Variants in SLC25A26 observed in about 807,000 individuals in gnomAD.
SLC25A26 encodes the protein solute carrier family 25 member 26.
Under a neutral mutation model 37.8 loss-of-function variants are expected in SLC25A26, and 36 were observed. That is an observed-to-expected ratio of 0.95 (90% confidence interval 0.73 to 1.26). SLC25A26 has a LOEUF of 1.26. Among genes scored for constraint, SLC25A26 ranks in the 50% most tolerant of loss-of-function variants. The pLI is 0.00. For missense variants in SLC25A26, 390 were observed against 331.1 expected (o/e 1.18, Z -1.38); for synonymous variants, 129 against 122.5 (o/e 1.05, Z -0.35).
chr3:66,209,568 T>G (rs1212237672), intron 1 of SLC25A26, among the ~76,000 whole-genome samples: 1 of 142,232 alleles, frequency 7.0e-6, no homozygotes, highest in African/African-American at 2.5e-5. Flanking sequence ...ACCTTTTATA[T>G]ACGTATAAAA....
chr3:66,204,339 T>A (rs1300770010), intron 1 of SLC25A26, among the ~76,000 whole-genome samples: 2 of 140,688 alleles, frequency 1.4e-5, no homozygotes, highest in African/African-American at 5.3e-5. Context: ...GGCAGGAGAA[T>A]GGAGTGAACC....
chr3:66,290,488 C>T (rs527675455), intron 5 of SLC25A26, among the ~76,000 whole-genome samples: 1 of 152,244 alleles, frequency 6.6e-6, no homozygotes, highest in African/African-American at 2.4e-5. Context: ...AGATACGTCC[C>T]ATCAATGCCT....
chr3:66,168,386 G>T (rs2070454669), intron 1 of SLC25A26, among the ~76,000 whole-genome samples: 1 of 152,094 alleles, frequency 6.6e-6, no homozygotes, highest in Admixed American at 6.5e-5. Context: ...GCACTAAGAT[G>T]AATCCATTAT....
At chr3:66,278,518 A>G (rs2074231514) in intron 5 of SLC25A26, among the ~76,000 whole-genome samples, 1 of 151,968 alleles carries the variant, frequency 6.6e-6, no homozygotes, top group African/African-American at 2.4e-5. Context: ...TATTATTTAA[A>G]TGTCTGTTTT....
Position 66,325,135 on chromosome 3 carries a change from TAGTACA to T in SLC25A26, c.454-21226_454-21221del, listed in dbSNP as rs1416893510. Among the ~76,000 whole-genome samples the T allele has an allele frequency of 2.0e-5, 3 of 152,218 alleles. No homozygotes were observed. The East Asian group carries it at 5.8e-4, about 29-fold the overall frequency. On this transcript the variant is annotated intron_variant, in intron 5 of 9. Transcript: ENST00000354883. ...GTCTCCTTCAATGTTTCCACAATTC[TAGTACA>T]AGCATTTCCCTCAGAAGCCTTCATG...
rs541760168 is a variant in SLC25A26 at position 66,236,673 on chromosome 3, TCTG to T, written c.169_171del (p.Ala57del). 241 of 1,525,038 alleles carry T rather than the reference TCTG, an allele frequency of 1.6e-4. No individual in the cohort carries two copies. The highest frequency in any genetic ancestry group is 2.0e-4 in the Non-Finnish European group (229 of 1,138,626). The allele number at this position is 1,525,038 out of a possible 1,614,324, so 94.5% of individuals were successfully genotyped here. A position where few individuals can be genotyped will look rare whatever the true frequency, so the allele number is the denominator to read the frequency against. On this transcript the variant is annotated inframe_deletion, in exon 2 of 10. Coordinates refer to ENST00000354883, the MANE Select transcript of SLC25A26 (RefSeq NM_001379210.1). ...TCATGGAATATATGCTGGCGTTCCT[TCTG>T]CTGCTATTGGATCCTTTCCTAATGG...
intron 1 of SLC25A26, among the ~76,000 whole-genome samples, chr3:66,153,813 G>A (rs1451401589): frequency 6.6e-6 from 1 of 152,178 alleles, no homozygotes; most frequent in Non-Finnish European, 1.5e-5. Context: ...GCTAGTTCAC[G>A]ATCTTGTCTT....
chr3:66,245,741 A>G (rs4499542), intron 3 of SLC25A26, among the ~76,000 whole-genome samples: 4 of 152,144 alleles, frequency 2.6e-5, no homozygotes, highest in African/African-American at 9.7e-5. Context: ...AACTGGGGAT[A>G]TGGAAAGAGA....
chr3:66,270,572 A>G (rs1184441864), intron 5 of SLC25A26, among the ~76,000 whole-genome samples: 1 of 152,204 alleles, frequency 6.6e-6, no homozygotes. Context: ...AATATTAAAC[A>G]AATGAAAATG....
chr3:66,150,508 A>AAAT (rs1553647344), intron 1 of SLC25A26, among the ~76,000 whole-genome samples: 2 of 120,272 alleles, frequency 1.7e-5, no homozygotes, highest in African/African-American at 6.5e-5. Context: ...AAGACAAAAA[A>AAAT]ATATATATAT....
upstream of SLC25A26, among the ~76,000 whole-genome samples, chr3:66,218,130 A>G (rs1040041274): frequency 6.8e-4 from 103 of 152,152 alleles, no homozygotes; most frequent in South Asian, 1.2e-3. Context: ...ACATAGCATA[A>G]TGCTTTCAGA....
intron 5 of SLC25A26, among the ~76,000 whole-genome samples, chr3:66,318,614 G>C (rs759756496): frequency 1.3e-5 from 2 of 151,736 alleles, no homozygotes; most frequent in East Asian, 1.9e-4. Context: ...AGCTGTTTCT[G>C]TTCAGCCATC....
At chr3:66,374,313 A>G (rs1041125099) in intron 9 of SLC25A26, among the ~76,000 whole-genome samples, 1 of 152,050 alleles carries the variant, frequency 6.6e-6, no homozygotes, top group Admixed American at 6.5e-5. Context: ...CCTGTCAAAT[A>G]TTTTCATTAT....
At chr3:66,174,979 A>G (rs766873589) in intron 1 of SLC25A26, among the ~76,000 whole-genome samples, 3 of 151,544 alleles carry the variant, frequency 2.0e-5, no homozygotes, top group Non-Finnish European at 4.4e-5. Context: ...AATGAAGCCC[A>G]ACTGGTACAC....
chr3:66,175,140 T>TATATATATATAC (rs1413714739), intron 1 of SLC25A26, among the ~76,000 whole-genome samples: 55 of 66,950 alleles, frequency 8.2e-4, no homozygotes, highest in Non-Finnish European at 1.3e-3. Flanking sequence ...TATATATATA[T>TATATATATATAC]ACACACACAC....
At chr3:66,188,438 G>A (rs2070871762) in intron 1 of SLC25A26, among the ~76,000 whole-genome samples, 1 of 152,096 alleles carries the variant, frequency 6.6e-6, no homozygotes, top group Non-Finnish European at 1.5e-5. Context: ...TATGCAGAGG[G>A]AAGGAGGGGA....
At chr3:66,294,713 A>G (rs2074837848) in intron 5 of SLC25A26, among the ~76,000 whole-genome samples, 1 of 152,202 alleles carries the variant, frequency 6.6e-6, no homozygotes, top group Non-Finnish European at 1.5e-5. Context: ...ATGTAGCAGT[A>G]GGACAAAAGA....
chr3:66,246,949 C>G (rs961487181), intron 3 of SLC25A26, among the ~76,000 whole-genome samples: 1 of 152,156 alleles, frequency 6.6e-6, no homozygotes, highest in Non-Finnish European at 1.5e-5. Context: ...GCAACCTCTG[C>G]CTCCCAGGTT....
At chr3:66,208,870 G>GTGTATATATATATA (rs1364331517) in intron 1 of SLC25A26, among the ~76,000 whole-genome samples, 3,795 of 55,874 alleles carry the variant, frequency 0.068, 241 homozygotes, top group East Asian at 0.17. Context: ...ATGGGTGTGT[G>GTGTATATATATATA]TATATATATA....
Sources: allele counts gnomAD v4.1 joint callset (sites outside exome capture counted in the v4.1 genomes callset), GRCh38; gene constraint gnomAD v4.1.1; transcripts MANE v1.5; gene names NCBI Gene and HGNC (gene_info 2026-07-23, HGNC 2026-07-21).